The following MTUS1 variants were observed in gnomAD, a reference collection of about 807,000 sequenced individuals.
MTUS1 encodes microtubule associated scaffold protein 1, also known as microtubule-associated tumor suppressor 1.
In MTUS1, 109 loss-of-function variants were observed where a neutral mutation model predicts 120.8. The ratio of observed to expected loss-of-function variants is 0.90; its 90% CI spans 0.77 to 1.06. The LOEUF (loss-of-function observed/expected upper bound fraction) is 1.06, where lower values mean the gene tolerates loss of function less well. MTUS1 is among the 50% of genes least tolerant of loss of function. MTUS1 has a pLI of 0.00. For missense variants in MTUS1, 2,210 were observed against 1,486.3 expected (o/e 1.49, Z -8.01); for synonymous variants, 737 against 550.5 (o/e 1.34, Z -4.74).
At chr8:17,775,927 G>GCC (rs569957826) in intron 1 of MTUS1, among the ~76,000 whole-genome samples, 62 of 152,318 alleles carry the variant, frequency 4.1e-4, no homozygotes, top group South Asian at 1.7e-3. Context: ...TTCCTACTGG[G>GCC]CCGCCAAGCC....
In MTUS1 at chr8:17,743,606, G is replaced by C; in HGVS notation, c.2285C>G (p.Ser762Cys). Residue 762 changes from serine to cysteine, a missense_variant and splice_region_variant, in exon 3 of 15, where the codon TCT becomes TGT. Ser to Cys is a moderately radical substitution (Grantham distance 112, BLOSUM62 -1). Coordinates refer to ENST00000693296, the MANE Select transcript of MTUS1 (RefSeq NM_001363059.2). ...SPQRIRRVSS[S>C]GKPTSLKTAQ... ...CTATTGAACTATTTTATTCTTACCA[G>C]AACTGGACACACGCCTGATCCTCTG... 4 of 1,613,256 alleles carry C rather than the reference G, an allele frequency of 2.5e-6. No homozygotes were observed. The highest frequency in any genetic ancestry group is 3.4e-6 in the Non-Finnish European group (4 of 1,179,546).
intron 6 of MTUS1, among the ~76,000 whole-genome samples, chr8:17,700,792 A>T (rs1009184961): frequency 1.3e-5 from 2 of 152,194 alleles, no homozygotes; most frequent in Non-Finnish European, 2.9e-5. Flanking sequence ...TTTCATAATG[A>T]CACAAAGAAA....
Position 17,712,192 on chromosome 8 carries a change from G to A in MTUS1, c.2623+1022C>T, listed in dbSNP as rs181570771. Among the ~76,000 whole-genome samples, 361 of 152,318 alleles carry A rather than the reference G, an allele frequency of 2.4e-3. 1 individual carries two copies. Among genetic ancestry groups the A allele is most frequent in the Non-Finnish European group, 3.1e-3 (212 of 68,028 alleles). The stretch of plus-strand genomic sequence containing the variant: ...GTATTTGCAAGGCTCCAGAAAATGA[G>A]CGATGCTTGTACCTTCGTTTCTTCT... On this transcript the variant is annotated intron_variant, in intron 6 of 14. Transcript: ENST00000693296.
intron 13 of MTUS1, among the ~76,000 whole-genome samples, chr8:17,649,448 C>A (rs1806514801): frequency 6.6e-6 from 1 of 152,070 alleles, no homozygotes; most frequent in Admixed American, 6.6e-5. Flanking sequence ...AAATTCATTT[C>A]TATTCATTTC....
At chr8:17,794,386 T>C (rs75223675) in intron 1 of MTUS1, among the ~76,000 whole-genome samples, 3,778 of 152,286 alleles carry the variant, frequency 0.025, 154 homozygotes, top group African/African-American at 0.086. Context: ...CAAGGATTTT[T>C]ACTCATGCTT....
chr8:17,673,270 A>G (rs986805138), intron 8 of MTUS1, among the ~76,000 whole-genome samples: 2 of 151,954 alleles, frequency 1.3e-5, no homozygotes, highest in African/African-American at 4.9e-5. Flanking sequence ...CTGTTTCACC[A>G]GAACTCTCAA....
chr8:17,722,098 C>T lies in MTUS1; in HGVS notation c.2449+1574G>A, dbSNP rs74358995. 274 of 1,314,932 alleles carry T rather than the reference C, an allele frequency of 2.1e-4. 2 individuals are homozygous for T. In the East Asian group the frequency reaches 6.8e-3, roughly 33 times the overall value. The allele number at this position is 1,314,932 out of a possible 1,614,324, so 81.5% of individuals were successfully genotyped here. On this transcript the variant is annotated intron_variant, in intron 4 of 14. Transcript: ENST00000693296. ...GACTCACTGATTTGAATGCTTAATC[C>T]GCAACAGGAACACATCGCCACTAGA...
chr8:17,650,828 T>C (rs10092004), intron 12 of MTUS1, among the ~76,000 whole-genome samples: 8 of 152,196 alleles, frequency 5.3e-5, no homozygotes, highest in African/African-American at 1.9e-4. Flanking sequence ...GAAATTCAAC[T>C]AAACCATTCA....
chr8:17,650,083 G>A, intron 12 of MTUS1, 121 bp from the exon 13 acceptor site: 1 of 711,812 alleles, frequency 1.4e-6, no homozygotes, highest in South Asian at 1.6e-5. Flanking sequence ...CATCATCTTA[G>A]AGCAATTTCA....
At chr8:17,678,068 G>C (rs1026894658) in intron 7 of MTUS1, among the ~76,000 whole-genome samples, 2 of 152,056 alleles carry the variant, frequency 1.3e-5, no homozygotes, top group Admixed American at 1.3e-4. Context: ...AAAACCAAGG[G>C]CTTTAAATAC....
At chr8:17,688,944 GCT>G (rs1192180997) in intron 6 of MTUS1, among the ~76,000 whole-genome samples, 1 of 152,062 alleles carries the variant, frequency 6.6e-6, no homozygotes, top group African/African-American at 2.4e-5. Context: ...GGGTGCGGTG[GCT>G]CACACCTGTA....
intron 6 of MTUS1, among the ~76,000 whole-genome samples, chr8:17,710,745 A>G (rs1821118166): frequency 6.6e-6 from 1 of 152,334 alleles, no homozygotes; most frequent in Non-Finnish European, 1.5e-5. Flanking sequence ...AGGAATCAGT[A>G]TCTAGGGCAG....
chr8:17,722,641 A>G lies in MTUS1; in HGVS notation c.2449+1031T>C, dbSNP rs912712875. The G allele has an allele frequency of 2.1e-5, 18 of 841,950 alleles. No individual in the cohort carries two copies. The African/African-American group carries it at 3.1e-4, about 15-fold the overall frequency. The allele number at this position is 841,950 out of a possible 1,614,324, so 52.2% of individuals were successfully genotyped here. ...GCTCATTAATTCGGTCATTAATTCAATGCCTTCTCTACAAAAAATGCATTC... is the reference window on the plus strand; with the variant it reads ...GCTCATTAATTCGGTCATTAATTCAGTGCCTTCTCTACAAAAAATGCATTC... On this transcript the variant is annotated intron_variant, in intron 4 of 14. Transcript: ENST00000693296.
At chr8:17,657,804 A>AC (rs1269519348) in intron 8 of MTUS1, among the ~76,000 whole-genome samples, 1 of 149,332 alleles carries the variant, frequency 6.7e-6, no homozygotes, top group Non-Finnish European at 1.5e-5. Context: ...TATCTCAAAA[A>AC]AAAAAAAAAA....
intron 6 of MTUS1, among the ~76,000 whole-genome samples, chr8:17,692,616 A>C (rs890398359): frequency 1.3e-5 from 2 of 152,216 alleles, no homozygotes; most frequent in Non-Finnish European, 2.9e-5. Context: ...CACTTCTTTA[A>C]AACGGTTCTC....
chr8:17,702,200 G>A (rs1403269385), intron 6 of MTUS1, among the ~76,000 whole-genome samples: 4 of 152,188 alleles, frequency 2.6e-5, no homozygotes, highest in Non-Finnish European at 4.4e-5. Context: ...AATTTACCAA[G>A]GAGCTGTACA....
chr8:17,775,349 A>C (rs1397125070), intron 1 of MTUS1, among the ~76,000 whole-genome samples: 1 of 152,130 alleles, frequency 6.6e-6, no homozygotes, highest in African/African-American at 2.4e-5. Context: ...AACCTTCCCA[A>C]TCTACAGAAT....
At position 17,682,842 on chromosome 8, in the gene MTUS1, A is replaced by G. The variant is rs534349503; in HGVS notation, c.2838+1486T>C. 1.5e-4 allele frequency among the ~76,000 whole-genome samples: 23 copies of G among 152,346 alleles called. No homozygotes were observed. In the East Asian group the frequency reaches 4.4e-3, roughly 29 times the overall value. On this transcript the variant is annotated intron_variant, in intron 7 of 14. Coordinates refer to ENST00000693296, the MANE Select transcript of MTUS1 (RefSeq NM_001363059.2). ...TAAACACACTCTTGATTCCTTTCTT[A>G]CAAATGAAAGAGAAACAAAAATACC...
chr8:17,783,509 G>A lies in MTUS1; in HGVS notation c.-155+17552C>T, dbSNP rs186969975. Among the ~76,000 whole-genome samples, 3 of 152,160 alleles carry A rather than the reference G, an allele frequency of 2.0e-5. No individual in the cohort carries two copies. In the East Asian group the frequency reaches 5.8e-4, roughly 29 times the overall value. ...ATCTGTCCTCACTAGACATGGAGGAGGAGATGATGTAATTTTTTTTTTAAA... is the reference window on the plus strand; with the variant it reads ...ATCTGTCCTCACTAGACATGGAGGAAGAGATGATGTAATTTTTTTTTTAAA... On this transcript the variant is annotated intron_variant, in intron 1 of 14. Transcript: ENST00000693296.
Sources: allele counts gnomAD v4.1 joint callset (sites outside exome capture counted in the v4.1 genomes callset), GRCh38; gene constraint gnomAD v4.1.1; transcripts MANE v1.5; gene names NCBI Gene and HGNC (gene_info 2026-07-23, HGNC 2026-07-21).